Variants in SPG11 observed in about 807,000 individuals in gnomAD.
SPG11 encodes SPG11 vesicle trafficking associated, spatacsin.
Under a neutral mutation model 274.0 loss-of-function variants are expected in SPG11, and 222 were observed. That is an observed-to-expected ratio of 0.81 (90% CI 0.73 to 0.91). The LOEUF is 0.91. SPG11 is among the 40% of genes least tolerant of loss of function. The probability of loss-of-function intolerance (pLI) is 0.00; values close to 1 mark genes in which losing one functional copy is unlikely to be tolerated. For synonymous variants in SPG11, 1,144 were observed against 1,039.7 expected, an observed-to-expected ratio of 1.10 and a Z score of -1.93; for missense variants, 3,114 against 2,872.7, an observed-to-expected ratio of 1.08 and a Z score of -1.92.
chr15:44,611,081 C>G, intron 17 of SPG11, 96 bp from the exon 18 acceptor site: 1 of 220,062 alleles, frequency 4.5e-6, no homozygotes, highest in Non-Finnish European at 7.9e-6. Flanking sequence ...ATTTTTAACT[C>G]TATCCCCAGT....
intron 20 of SPG11, among the ~76,000 whole-genome samples, chr15:44,604,866 TG>T (rs2083280149): frequency 7.6e-6 from 1 of 131,886 alleles, no homozygotes; most frequent in Non-Finnish European, 1.5e-5. Context: ...AGGCACAACT[TG>T]CAGCGAGCCG....
At chr15:44,611,090 GTAAA>G in intron 17 of SPG11, 105 bp from the exon 18 acceptor site, 2 of 24,754 alleles carry the variant, frequency 8.1e-5, no homozygotes, top group Non-Finnish European at 1.6e-4. Flanking sequence ...TCTATCCCCA[GTAAA>G]AAAAAAAAAA....
intron 21 of SPG11, chr15:44,600,156 A>C (rs1167900144): frequency 4.0e-6 from 1 of 249,648 alleles, no homozygotes. Context: ...GGGAAGCACA[A>C]ATGAAAACAA....
intron 26 of SPG11, 48 bp downstream of exon 26, chr15:44,595,211 T>C: frequency 1.3e-6 from 2 of 1,571,950 alleles, no homozygotes; most frequent in Non-Finnish European, 1.8e-6. Flanking sequence ...AGGGATATGC[T>C]GAAGTAATCT....
At chr15:44,565,080 T>C (rs1463895972) in intron 38 of SPG11, among the ~76,000 whole-genome samples, 1 of 152,230 alleles carries the variant, frequency 6.6e-6, no homozygotes, top group Non-Finnish European at 1.5e-5. Flanking sequence ...TTGAAACTGC[T>C]AAGAATATAT....
chr15:44,642,203 T>TA (rs2084470626), intron 7 of SPG11, among the ~76,000 whole-genome samples: 1 of 150,670 alleles, frequency 6.6e-6, no homozygotes, highest in Admixed American at 6.6e-5. Context: ...CCATCTCTAC[T>TA]AAAATACAAA....
chr15:44,623,481 A>G (rs1166399033), intron 11 of SPG11, among the ~76,000 whole-genome samples: 2 of 152,172 alleles, frequency 1.3e-5, no homozygotes, highest in African/African-American at 4.8e-5. Context: ...CAAGACCCCA[A>G]CCATGCAGGT....
chr15:44,600,572 A>C lies in SPG11; in HGVS notation c.3581T>G (p.Val1194Gly). Reference protein sequence around the residue: ...SPDLVNKYAIVERLNFAYYLH... With the variant: ...SPDLVNKYAIGERLNFAYYLH... ...ATAATAAGCAAAATTCAGACGTTCCACTATAGCATATTTATTAACCAGGTC... is the reference window on the plus strand; with the variant it reads ...ATAATAAGCAAAATTCAGACGTTCCCCTATAGCATATTTATTAACCAGGTC... Residue 1194 changes from valine (V) to glycine (G), a missense_variant, in exon 21 of 40, where the codon GTG becomes GGG. Physicochemically the swap from Val to Gly is moderately radical, Grantham distance 109. Coordinates refer to ENST00000261866, the MANE Select transcript of SPG11 (RefSeq NM_025137.4). 1 of 1,614,190 alleles carries C rather than the reference A, an allele frequency of 6.2e-7. No individual in the cohort carries two copies. The highest frequency in any genetic ancestry group is 1.7e-5 in the Admixed American group (1 of 60,016).
intron 18 of SPG11, among the ~76,000 whole-genome samples, chr15:44,609,532 G>C (rs964598292): frequency 6.6e-6 from 1 of 152,094 alleles, no homozygotes; most frequent in African/African-American, 2.4e-5. Flanking sequence ...TATATGGGTA[G>C]CTGAAGATTA....
chr15:44,653,068 C>G (rs1332933092), intron 4 of SPG11, among the ~76,000 whole-genome samples: 1 of 151,944 alleles, frequency 6.6e-6, no homozygotes, highest in Non-Finnish European at 1.5e-5. Context: ...ATTTGAGAAA[C>G]AAAGAAGGCT....
At chr15:44,600,306 T>C in intron 21 of SPG11, 161 bp downstream of exon 21, 2 of 698,972 alleles carry the variant, frequency 2.9e-6, no homozygotes, top group African/African-American at 1.8e-5. Flanking sequence ...TTTGTTTTAG[T>C]GGCAGAGCCT....
intron 12 of SPG11, 39 bp from the exon 13 acceptor site, chr15:44,622,386 A>C: frequency 6.7e-7 from 1 of 1,496,500 alleles, no homozygotes; most frequent in African/African-American, 1.4e-5. Flanking sequence ...CTTTACAAAA[A>C]ATCAAGCACT....
intron 30 of SPG11, among the ~76,000 whole-genome samples, chr15:44,580,566 CAA>C (rs2082639714): frequency 6.6e-6 from 1 of 152,168 alleles, no homozygotes; most frequent in African/African-American, 2.4e-5. Context: ...ATCACGAGGT[CAA>C]GAGATCGAGG....
At chr15:44,572,514 A>C in intron 33 of SPG11, 169 bp downstream of exon 33, 1 of 660,494 alleles carries the variant, frequency 1.5e-6, no homozygotes, top group Admixed American at 2.8e-5. Flanking sequence ...CATAATTTCT[A>C]AATTTTCTTC....
At position 44,657,308 on chromosome 15, in the gene SPG11, A is replaced by G. The variant is rs373742527; in HGVS notation, c.668-12T>C. On this transcript the variant is annotated splice_polypyrimidine_tract_variant and intron_variant, in intron 3 of 39. Transcript: ENST00000261866. ...AACATCAAAAATGTCTTTTAGTTAG[A>G]GTTAAAAGAAAATGCCAGTTTTGTA... 1 of 1,613,758 alleles carries G rather than the reference A, an allele frequency of 6.2e-7. No individual in the cohort carries two copies. Among genetic ancestry groups the G allele is most frequent in the Admixed American group, 1.7e-5 (1 of 60,028 alleles).
intron 8 of SPG11, 50 bp downstream of exon 8, chr15:44,633,455 T>C: frequency 6.8e-7 from 1 of 1,470,698 alleles, no homozygotes; most frequent in Non-Finnish European, 9.4e-7. Flanking sequence ...TGAAAGTTAT[T>C]AAGAAGATCA....
chr15:44,610,685 A>C (rs2083437971), intron 18 of SPG11, among the ~76,000 whole-genome samples, 155 bp downstream of exon 18: 2 of 152,196 alleles, frequency 1.3e-5, no homozygotes, highest in South Asian at 4.1e-4. Context: ...GCCGAGATAT[A>C]AAATTTTTAA....
chr15:44,608,486 A>AG lies in SPG11; in HGVS notation c.3410dup (p.Ser1138Ter), dbSNP rs1470512931. 1 of 1,614,142 alleles carries AG rather than the reference A, an allele frequency of 6.2e-7. No individual in the cohort carries two copies. Among genetic ancestry groups the AG allele is most frequent in the Admixed American group, 1.7e-5 (1 of 60,014 alleles). ...TTGTAATATCAGATGGCAGGACACT[A>AG]GGAGGAGTGCACTGTGGGAAGAGAG... On this transcript the variant is annotated frameshift_variant, in exon 19 of 40. Coordinates refer to ENST00000261866, the MANE Select transcript of SPG11 (RefSeq NM_025137.4). LOFTEE classifies it high-confidence loss of function.
At chr15:44,650,944 C>T (rs921162060) in intron 6 of SPG11, among the ~76,000 whole-genome samples, 2 of 152,172 alleles carry the variant, frequency 1.3e-5, no homozygotes, top group African/African-American at 4.8e-5. Context: ...GACAGGGTTT[C>T]ACCATATTGG....
Sources: gnomAD v4.1 joint callset for allele counts (sites outside exome capture counted in the v4.1 genomes callset) on GRCh38, gnomAD v4.1.1 for gene constraint, MANE v1.5 for transcripts, NCBI Gene and HGNC (gene_info 2026-07-23, HGNC 2026-07-21) for gene names.